The following CTNNA2 variants were observed in gnomAD, a reference collection of about 807,000 sequenced individuals.
CTNNA2 encodes catenin alpha-2.
CTNNA2 carries 42 observed loss-of-function variants against 101.0 expected under a neutral mutation model. The observed-to-expected ratio is 0.42, with a 90% CI of 0.32 to 0.54. The LOEUF (loss-of-function observed/expected upper bound fraction) is 0.54, where lower values mean the gene tolerates loss of function less well. Ranked by LOEUF, CTNNA2 falls within the 20% of genes least tolerant of loss-of-function variation. CTNNA2 has a pLI of 0.14. For missense variants in CTNNA2, 871 were observed against 1,223.1 expected (o/e 0.71, Z 4.29); for synonymous variants, 450 against 456.4 (o/e 0.99, Z 0.18).
chr2:79,949,652 C>T (rs1157211231), intron 7 of CTNNA2, among the ~76,000 whole-genome samples: 1 of 152,000 alleles, frequency 6.6e-6, no homozygotes, highest in Non-Finnish European at 1.5e-5. Context: ...GTGGTACCTG[C>T]CTATAGTCAC....
At chr2:79,857,899 C>A in intron 3 of CTNNA2, 114 bp from the exon 4 acceptor site, 1 of 1,131,744 alleles carries the variant, frequency 8.8e-7, no homozygotes, top group Non-Finnish European at 1.3e-6. Context: ...AGAAATACCA[C>A]CTGGTCATCA....
intron 3 of CTNNA2, chr2:79,340,320 C>G (rs1445719287): frequency 6.6e-6 from 1 of 152,102 alleles, no homozygotes; most frequent in Non-Finnish European, 1.5e-5. Flanking sequence ...TGGTCCCCAT[C>G]AGTAAAGGTG....
At chr2:80,071,884 A>G (rs1698367238) in intron 7 of CTNNA2, among the ~76,000 whole-genome samples, 1 of 152,150 alleles carries the variant, frequency 6.6e-6, no homozygotes, top group Non-Finnish European at 1.5e-5. Context: ...TTTGGGGAAA[A>G]CTTGCAAATG....
chr2:80,498,000 G>C (rs1687599290), intron 9 of CTNNA2, among the ~76,000 whole-genome samples: 1 of 152,126 alleles, frequency 6.6e-6, no homozygotes, highest in Admixed American at 6.6e-5. Flanking sequence ...GAAACTGTGA[G>C]ATAATAAACG....
At chr2:80,399,132 A>C (rs113867460) in intron 8 of CTNNA2, among the ~76,000 whole-genome samples, 2,516 of 150,060 alleles carry the variant, frequency 0.017, 54 homozygotes, top group African/African-American at 0.044. Flanking sequence ...GGCTGGTCTC[A>C]AACTCCTGAC....
chr2:80,647,646 C>A lies in CTNNA2; in HGVS notation c.2636C>A (p.Thr879Lys). 1 of 1,613,260 alleles carries A rather than the reference C, an allele frequency of 6.2e-7. No homozygotes were observed. Among genetic ancestry groups the A allele is most frequent in the Non-Finnish European group, 8.5e-7 (1 of 1,179,380 alleles). ...AACCTGATGAATGCTGTTGTCCTCA[C>A]GGTGAAAGCATCCTATGTGGCCTCA... ...AKNLMNAVVL[T>K]VKASYVASTK... Residue 879 changes from threonine (T) to lysine (K), a missense_variant, in exon 19 of 19, where the codon ACG (threonine) becomes AAG (lysine). Transcript: ENST00000402739.
At chr2:80,522,145 G>T (rs1278122068) in intron 9 of CTNNA2, among the ~76,000 whole-genome samples, 1 of 152,166 alleles carries the variant, frequency 6.6e-6, no homozygotes, top group Admixed American at 6.5e-5. Flanking sequence ...CTGAACAAAG[G>T]TCATGTCCAA....
rs66938459 is a variant in CTNNA2, at chr2:79,319,561, T to TA, written c.-318+6775dup. 5.2e-3 allele frequency among the ~76,000 whole-genome samples: 772 copies of TA among 149,446 alleles called. 6 individuals are homozygous for TA. Among genetic ancestry groups the TA allele is most frequent in the African/African-American group, 0.013 (514 of 40,846 alleles). On this transcript the variant is annotated intron_variant, in intron 3 of 21. Transcript: ENST00000466387. ...GTAAACTTAATGCAGGTAATTTATT[T>TA]AAAAAAAAAAGCAGTGACTGAGCTG...
At chr2:80,010,733 A>T (rs1249869219) in intron 7 of CTNNA2, among the ~76,000 whole-genome samples, 1 of 151,812 alleles carries the variant, frequency 6.6e-6, no homozygotes, top group Non-Finnish European at 1.5e-5. Context: ...TTTTTCCACA[A>T]TCACTTTTGC....
chr2:79,715,205 C>CAAAAAAAAAAAAA (rs140432724), intron 2 of CTNNA2, among the ~76,000 whole-genome samples: 1 of 66,336 alleles, frequency 1.5e-5, no homozygotes, highest in African/African-American at 6.6e-5. Context: ...AAAATTCCGT[C>CAAAAAAAAAAAAA]AAAAAAAAAA....
chr2:79,425,318 C>T (rs1179027727), intron 4 of CTNNA2, among the ~76,000 whole-genome samples: 14 of 152,164 alleles, frequency 9.2e-5, no homozygotes, highest in Non-Finnish European at 1.5e-5. Flanking sequence ...GTTGGGTCTT[C>T]TTGCAATAGA....
At chr2:79,602,929 A>G (rs1195187597) in intron 1 of CTNNA2, among the ~76,000 whole-genome samples, 1 of 152,202 alleles carries the variant, frequency 6.6e-6, no homozygotes, top group Non-Finnish European at 1.5e-5. Context: ...AAAGAGGAAC[A>G]GATTTTTCAT....
chr2:80,564,527 A>G (rs114632919), intron 12 of CTNNA2, among the ~76,000 whole-genome samples: 1,448 of 118,864 alleles, frequency 0.012, 27 homozygotes, highest in African/African-American at 0.044. Flanking sequence ...TTTTTTTTTT[A>G]CCCCCTCCTT....
intron 7 of CTNNA2, among the ~76,000 whole-genome samples, chr2:80,006,747 T>G (rs1228524891): frequency 1.3e-5 from 2 of 152,206 alleles, no homozygotes; most frequent in Admixed American, 6.5e-5. Flanking sequence ...TTTACTGGAA[T>G]GACTAAAAGT....
At chr2:79,468,936 T>C (rs1354899544) in intron 4 of CTNNA2, among the ~76,000 whole-genome samples, 1 of 152,122 alleles carries the variant, frequency 6.6e-6, no homozygotes, top group African/African-American at 2.4e-5. Flanking sequence ...AGGAAAGATC[T>C]AAAATTGACA....
intron 7 of CTNNA2, among the ~76,000 whole-genome samples, chr2:80,133,481 AT>A (rs1414596293): frequency 1.3e-5 from 2 of 152,202 alleles, no homozygotes; most frequent in African/African-American, 4.8e-5. Context: ...GTTACAACCA[AT>A]TCAAAAAAGA....
chr2:80,134,992 A>G (rs1573185403), intron 7 of CTNNA2, among the ~76,000 whole-genome samples: 1 of 152,238 alleles, frequency 6.6e-6, no homozygotes, highest in East Asian at 1.9e-4. Context: ...TTTTAGATAG[A>G]TGCCAGGTGC....
chr2:80,484,991 G>A (rs1305982660), intron 9 of CTNNA2, among the ~76,000 whole-genome samples: 3 of 152,068 alleles, frequency 2.0e-5, no homozygotes, highest in Non-Finnish European at 4.4e-5. Flanking sequence ...GTGTGACAGA[G>A]CGAGACTCCG....
chr2:80,627,817 C>T (rs1031557257), intron 18 of CTNNA2, among the ~76,000 whole-genome samples: 1 of 152,050 alleles, frequency 6.6e-6, no homozygotes, highest in African/African-American at 2.4e-5. Context: ...CCTAGGTTTT[C>T]CTCTAGGGTT....
Sources: gnomAD v4.1 joint callset for allele counts (sites outside exome capture counted in the v4.1 genomes callset) on GRCh38, gnomAD v4.1.1 for gene constraint, MANE v1.5 for transcripts, NCBI Gene and HGNC (gene_info 2026-07-23, HGNC 2026-07-21) for gene names.